Variants in ITGBL1 observed in about 807,000 individuals in gnomAD.
ITGBL1 encodes the protein integrin subunit beta like 1.
In ITGBL1, 51 loss-of-function variants were observed where a neutral mutation model predicts 68.5. The observed-to-expected ratio is 0.74, with a 90% confidence interval of 0.59 to 0.94. The LOEUF is 0.94. Ranked by LOEUF, ITGBL1 falls within the 40% of genes least tolerant of loss-of-function variation. ITGBL1 has a pLI of 0.00. For synonymous variants in ITGBL1, 209 were observed against 227.3 expected (o/e 0.92, Z 0.72); for missense variants, 649 against 647.4 (o/e 1.00, Z -0.03).
In ITGBL1 at chr13:101,657,471, C is replaced by T. The variant is rs149378972; in HGVS notation, c.1016-35114C>T. On this transcript the variant is annotated intron_variant, in intron 7 of 10. Transcript: ENST00000376180. ...CCCATCAAACATTTTCTTTAAAACTCCTTTGATACATCTTAGTCCCATTCT... is the reference window on the plus strand; with the variant it reads ...CCCATCAAACATTTTCTTTAAAACTTCTTTGATACATCTTAGTCCCATTCT... 4.9e-3 allele frequency among the ~76,000 whole-genome samples: 742 copies of T among 152,186 alleles called. 6 individuals are homozygous for T. Among genetic ancestry groups the T allele is most frequent in the African/African-American group, 0.017 (686 of 41,522 alleles).
chr13:101,527,822 T>C (rs1040461151), intron 2 of ITGBL1, among the ~76,000 whole-genome samples: 1 of 152,054 alleles, frequency 6.6e-6, no homozygotes, highest in South Asian at 2.1e-4. Context: ...TTTATATACA[T>C]TCATTTGGAA....
chr13:101,676,722 T>C (rs990916183), intron 7 of ITGBL1, among the ~76,000 whole-genome samples: 5 of 152,220 alleles, frequency 3.3e-5, no homozygotes, highest in African/African-American at 1.2e-4. Flanking sequence ...AAAAATTATT[T>C]CTTACAACAG....
At chr13:101,467,141 T>A (rs1393331733) in intron 2 of ITGBL1, among the ~76,000 whole-genome samples, 1 of 152,092 alleles carries the variant, frequency 6.6e-6, no homozygotes, top group East Asian at 1.9e-4. Flanking sequence ...CCTAATCACC[T>A]CCTGCAGGCC....
In ITGBL1 at chr13:101,462,954, C is replaced by G. The variant is rs370745862; in HGVS notation, c.316+8854C>G. Among the ~76,000 whole-genome samples, 7 of 152,308 alleles carry G rather than the reference C, an allele frequency of 4.6e-5. No homozygotes were observed. The East Asian group carries it at 9.7e-4, about 21-fold the overall frequency. ...CATGAAGAGAGGGACTTAAGCCCAA[C>G]AGTTGCCTGCATTCAGTTCCTGACA... On this transcript the variant is annotated intron_variant, in intron 2 of 10. Coordinates refer to ENST00000376180, the MANE Select transcript of ITGBL1 (RefSeq NM_004791.3).
intron 2 of ITGBL1, among the ~76,000 whole-genome samples, chr13:101,525,070 C>T (rs2049351707): frequency 6.6e-6 from 1 of 152,020 alleles, no homozygotes; most frequent in Non-Finnish European, 1.5e-5. Flanking sequence ...GCACCTCTAG[C>T]TATAGAGAAA....
intron 9 of ITGBL1, among the ~76,000 whole-genome samples, chr13:101,710,630 G>A (rs779421674): frequency 2.0e-5 from 3 of 152,082 alleles, no homozygotes; most frequent in Non-Finnish European, 2.9e-5. Flanking sequence ...GTCAATGAAA[G>A]TCCCTCACCC....
At chr13:101,682,132 T>G (rs2139529472) in intron 7 of ITGBL1, among the ~76,000 whole-genome samples, 1 of 152,290 alleles carries the variant, frequency 6.6e-6, no homozygotes, top group African/African-American at 2.4e-5. Flanking sequence ...GACCTTTCCA[T>G]TTCTTCTCTT....
chr13:101,472,092 A>G (rs1240930596), intron 2 of ITGBL1, among the ~76,000 whole-genome samples: 3 of 152,234 alleles, frequency 2.0e-5, no homozygotes, highest in Admixed American at 1.3e-4. Flanking sequence ...TGAGATTGAT[A>G]TGAACTCTCT....
chr13:101,661,116 T>C (rs544401382), intron 7 of ITGBL1, among the ~76,000 whole-genome samples: 15 of 124,332 alleles, frequency 1.2e-4, no homozygotes, highest in African/African-American at 4.8e-4. Flanking sequence ...TAAATAACTA[T>C]AACAAACATA....
intron 8 of ITGBL1, among the ~76,000 whole-genome samples, chr13:101,701,756 G>A (rs1447876459): frequency 2.0e-5 from 3 of 152,018 alleles, no homozygotes; most frequent in Non-Finnish European, 4.4e-5. Flanking sequence ...GAAAAACACT[G>A]TATGATTTCA....
At chr13:101,622,297 A>G (rs780592288) in intron 7 of ITGBL1, among the ~76,000 whole-genome samples, 7 of 152,132 alleles carry the variant, frequency 4.6e-5, no homozygotes, top group Non-Finnish European at 5.9e-5. Context: ...TAGTATCATG[A>G]TTATCCCTAC....
intron 7 of ITGBL1, among the ~76,000 whole-genome samples, 191 bp from the exon 8 acceptor site, chr13:101,692,394 C>T (rs2033899637): frequency 6.6e-6 from 1 of 152,292 alleles, no homozygotes; most frequent in South Asian, 2.1e-4. Context: ...CCACTCCAGA[C>T]CACCACGGAA....
At chr13:101,701,752 C>G (rs1442477495) in intron 8 of ITGBL1, among the ~76,000 whole-genome samples, 1 of 151,842 alleles carries the variant, frequency 6.6e-6, no homozygotes, top group Non-Finnish European at 1.5e-5. Flanking sequence ...AAAAGAAAAA[C>G]ACTGTATGAT....
chr13:101,635,820 CAT>C lies in ITGBL1; in HGVS notation c.1015+37524_1015+37525del, dbSNP rs375754376. Among the ~76,000 whole-genome samples, 28 of 152,166 alleles carry C rather than the reference CAT, an allele frequency of 1.8e-4. No individual in the cohort carries two copies. In the East Asian group the frequency reaches 4.8e-3, roughly 26 times the overall value. ...AATATCTGGGCTAATTTTCTACTCT[CAT>C]ATGGAACTGAATAAAATCCAGATCA... On this transcript the variant is annotated intron_variant, in intron 7 of 10. Coordinates refer to ENST00000376180, the MANE Select transcript of ITGBL1 (RefSeq NM_004791.3).
At chr13:101,605,729 C>T (rs377395876) in intron 7 of ITGBL1, among the ~76,000 whole-genome samples, 2 of 151,050 alleles carry the variant, frequency 1.3e-5, no homozygotes, top group Non-Finnish European at 3.0e-5. Context: ...TGCGTGTACA[C>T]GTATGTAGAC....
intron 6 of ITGBL1, among the ~76,000 whole-genome samples, chr13:101,591,679 A>C (rs191830167): frequency 1.6e-3 from 243 of 152,342 alleles, no homozygotes; most frequent in Admixed American, 4.8e-3. Flanking sequence ...ACTGGAGGCC[A>C]ATTTTCATAT....
chr13:101,649,426 A>T (rs923892837), intron 7 of ITGBL1, among the ~76,000 whole-genome samples: 1 of 152,188 alleles, frequency 6.6e-6, no homozygotes, highest in East Asian at 1.9e-4. Flanking sequence ...CAATTAGACT[A>T]TAAGGTCAAT....
intron 2 of ITGBL1, among the ~76,000 whole-genome samples, chr13:101,565,782 G>C (rs1203097758): frequency 1.3e-5 from 2 of 148,798 alleles, no homozygotes. Flanking sequence ...AGAATCTTCT[G>C]TGAAGAGAGT....
At chr13:101,498,594 A>G (rs2048892113) in intron 2 of ITGBL1, among the ~76,000 whole-genome samples, 1 of 152,206 alleles carries the variant, frequency 6.6e-6, no homozygotes, top group Admixed American at 6.5e-5. Flanking sequence ...AAAAAATAGG[A>G]AGAGGTTAAA....
Sources: allele counts gnomAD v4.1 joint callset (sites outside exome capture counted in the v4.1 genomes callset), GRCh38; gene constraint gnomAD v4.1.1; transcripts MANE v1.5; gene names NCBI Gene and HGNC (gene_info 2026-07-23, HGNC 2026-07-21).